The following IFT25 variants were observed in gnomAD, a reference collection of about 807,000 sequenced individuals.
IFT25 encodes intraflagellar transport 25.
chr1:53,940,140 C>G, the IFT25 span: 1 of 996,552 alleles, frequency 1.0e-6, no homozygotes, highest in African/African-American at 1.6e-5. Context: ...TCTTGATTCT[C>G]TAAACTTTAT....
the IFT25 span, among the ~76,000 whole-genome samples, chr1:53,914,814 GC>G: frequency 6.6e-6 from 1 of 152,158 alleles, no homozygotes; most frequent in African/African-American, 2.4e-5. Context: ...CCTGACCCCT[GC>G]AGAGAGGCAT....
At chr1:53,942,507 C>T in the IFT25 span, among the ~76,000 whole-genome samples, 41 of 152,138 alleles carry the variant, frequency 2.7e-4, no homozygotes, top group Admixed American at 3.3e-4. Context: ...ATAGCTGAGT[C>T]ACTGTGAAAG....
At chr1:53,917,417 T>C in the IFT25 span, among the ~76,000 whole-genome samples, 1 of 152,236 alleles carries the variant, frequency 6.6e-6, no homozygotes, top group Non-Finnish European at 1.5e-5. Flanking sequence ...CAGTCACCCA[T>C]AGTTCTATAT....
chr1:53,913,909 C>T, the IFT25 span, among the ~76,000 whole-genome samples: 2 of 152,192 alleles, frequency 1.3e-5, no homozygotes, highest in African/African-American at 4.8e-5. Context: ...AGAAACTATG[C>T]CGGCACCCTG....
chr1:53,940,545 T>C, the IFT25 span, among the ~76,000 whole-genome samples: 1 of 152,144 alleles, frequency 6.6e-6, no homozygotes, highest in South Asian at 2.1e-4. Flanking sequence ...TAATAAACAT[T>C]CAATTATTAA....
At chr1:53,913,559 A>G in the IFT25 span, among the ~76,000 whole-genome samples, 1 of 152,196 alleles carries the variant, frequency 6.6e-6, no homozygotes, top group African/African-American at 2.4e-5. Flanking sequence ...GTAGCCTATT[A>G]TTAACTAAAT....
the IFT25 span, among the ~76,000 whole-genome samples, chr1:53,943,137 A>C: frequency 1.3e-5 from 2 of 152,234 alleles, no homozygotes; most frequent in African/African-American, 4.8e-5. Context: ...TTAAGCAGGA[A>C]GACTTTGGAG....
chr1:53,930,591 A>G, the IFT25 span, among the ~76,000 whole-genome samples: 1 of 152,046 alleles, frequency 6.6e-6, no homozygotes, highest in South Asian at 2.1e-4. Flanking sequence ...TTCCCCTTGC[A>G]TAAGTTCATT....
chr1:53,924,753 C>T, the IFT25 span, among the ~76,000 whole-genome samples: 2 of 152,144 alleles, frequency 1.3e-5, no homozygotes, highest in Admixed American at 6.5e-5. Flanking sequence ...AGGAGAATGG[C>T]GTGAACCCAG....
At chr1:53,934,093 A>G in the IFT25 span, among the ~76,000 whole-genome samples, 3 of 152,198 alleles carry the variant, frequency 2.0e-5, no homozygotes, top group African/African-American at 4.8e-5. Context: ...CCAAATATTT[A>G]TCATTTCCAG....
At chr1:53,916,519 T>C in the IFT25 span, 1 of 158,878 alleles carries the variant, frequency 6.3e-6, no homozygotes, top group Non-Finnish European at 1.4e-5. Flanking sequence ...AACACAGTGT[T>C]TCTTACACAA....
At chr1:53,938,327 G>T in the IFT25 span, among the ~76,000 whole-genome samples, 1 of 152,060 alleles carries the variant, frequency 6.6e-6, no homozygotes, top group Admixed American at 6.6e-5. Context: ...AATAGTCTCT[G>T]ACTTACAGGA....
At chr1:53,926,455 C>T in the IFT25 span, among the ~76,000 whole-genome samples, 1 of 152,310 alleles carries the variant, frequency 6.6e-6, no homozygotes, top group East Asian at 1.9e-4. Context: ...CCCCTAAATA[C>T]TTAATTATCC....
At chr1:53,916,790 TTATCTGG>T in the IFT25 span, 11 of 392,762 alleles carry the variant, frequency 2.8e-5, no homozygotes, top group East Asian at 4.0e-4. Context: ...TTCACATCTC[TTATCTGG>T]TATACCAAGG....
At chr1:53,928,519 G>T in the IFT25 span, 1 of 1,028,040 alleles carries the variant, frequency 9.7e-7, no homozygotes, top group Non-Finnish European at 1.5e-6. Flanking sequence ...CCCTCTGCCT[G>T]AGATTATCAT....
chr1:53,940,393 T>G, the IFT25 span, among the ~76,000 whole-genome samples: 3 of 151,734 alleles, frequency 2.0e-5, no homozygotes, highest in East Asian at 5.8e-4. Context: ...GAGAACAACA[T>G]GGAATACCAT....
At chr1:53,928,606 G>T in the IFT25 span, 1 of 552,114 alleles carries the variant, frequency 1.8e-6, no homozygotes, top group African/African-American at 1.9e-5. Context: ...AAAACCCTAT[G>T]GTAAAATATA....
At chr1:53,931,737 T>C in the IFT25 span, among the ~76,000 whole-genome samples, 2,269 of 152,254 alleles carry the variant, frequency 0.015, 70 homozygotes, top group African/African-American at 0.051. Context: ...TGCATTTTCT[T>C]TATTTCTTGG....
chr1:53,929,409 C>T, the IFT25 span: 2 of 152,222 alleles, frequency 1.3e-5, no homozygotes, highest in Non-Finnish European at 2.9e-5. Flanking sequence ...TTCCCTTAAC[C>T]CAGGCCATAA....
Sources: gnomAD v4.1 joint callset for allele counts (sites outside exome capture counted in the v4.1 genomes callset) on GRCh38, gnomAD v4.1.1 for gene constraint, MANE v1.5 for transcripts, NCBI Gene and HGNC (gene_info 2026-07-23, HGNC 2026-07-21) for gene names.